KATNA1: variants seen among roughly 807,000 people sequenced by gnomAD.
KATNA1 encodes the protein katanin catalytic subunit A1, also known as katanin p60 ATPase-containing subunit A1.
KATNA1 carries 42 observed loss-of-function variants against 62.6 expected under a neutral mutation model. The ratio of observed to expected loss-of-function variants is 0.67; its 90% CI spans 0.52 to 0.87. The LOEUF is 0.87. Ranked by LOEUF, KATNA1 falls within the 40% of genes least tolerant of loss-of-function variation. KATNA1 has a pLI of 0.00. For synonymous variants in KATNA1, 186 were observed against 201.9 expected, an observed-to-expected ratio of 0.92 and a Z score of 0.67; for missense variants, 498 against 612.5, an observed-to-expected ratio of 0.81 and a Z score of 1.97.
chr6:149,623,709 T>C (rs1779499247), intron 3 of KATNA1, among the ~76,000 whole-genome samples: 1 of 151,892 alleles, frequency 6.6e-6, no homozygotes, highest in African/African-American at 2.4e-5. Flanking sequence ...CTGTACTCTA[T>C]CCTGGGCAAC....
intron 1 of KATNA1, among the ~76,000 whole-genome samples, chr6:149,648,107 ATCGGGATTTT>A (rs1396109450): frequency 6.6e-6 from 1 of 152,130 alleles, no homozygotes. Flanking sequence ...TGTCATGGCC[ATCGGGATTTT>A]TACCTGTGAG....
intron 1 of KATNA1, among the ~76,000 whole-genome samples, chr6:149,639,648 G>A (rs9689084): frequency 0.45 from 68,326 of 151,818 alleles, 16,471 homozygotes; most frequent in East Asian, 0.81. Context: ...TTTTAAAAAA[G>A]TTCCCACATT....
chr6:149,610,099 C>CAA (rs958933815), intron 4 of KATNA1, among the ~76,000 whole-genome samples: 29 of 50,104 alleles, frequency 5.8e-4, no homozygotes, highest in African/African-American at 1.1e-3. Flanking sequence ...AACTCCGTCT[C>CAA]AAAAAAAAAA....
chr6:149,625,881 C>G (rs927242080), intron 3 of KATNA1, among the ~76,000 whole-genome samples: 11 of 151,842 alleles, frequency 7.2e-5, no homozygotes, highest in African/African-American at 2.7e-4. Flanking sequence ...TTGCAGTGAG[C>G]CGAGCTCACG....
chr6:149,596,165 C>G (rs1254858700), intron 10 of KATNA1, among the ~76,000 whole-genome samples: 2 of 152,220 alleles, frequency 1.3e-5, no homozygotes, highest in Non-Finnish European at 1.5e-5. Flanking sequence ...AGACTCTTCA[C>G]TGACATGAAA....
chr6:149,600,365 G>C (rs1487580094), intron 7 of KATNA1, among the ~76,000 whole-genome samples: 1 of 151,992 alleles, frequency 6.6e-6, no homozygotes, highest in Non-Finnish European at 1.5e-5. Context: ...AGGCGCAGTG[G>C]CTCATACCTA....
At chr6:149,637,717 C>T (rs1045332675) in intron 2 of KATNA1, among the ~76,000 whole-genome samples, 2 of 152,052 alleles carry the variant, frequency 1.3e-5, no homozygotes, top group Non-Finnish European at 2.9e-5. Flanking sequence ...ATCCCAGCTA[C>T]TCGGGAGGCT....
At chr6:149,606,446 T>C (rs537877287) in intron 4 of KATNA1, among the ~76,000 whole-genome samples, 68 of 152,298 alleles carry the variant, frequency 4.5e-4, no homozygotes, top group African/African-American at 1.6e-3. Flanking sequence ...CGTAACATGA[T>C]GATTCCTTTG....
rs1780152378 is a variant in KATNA1, at chr6:149,638,517, T to C, written c.31A>G (p.Lys11Glu). Reference protein sequence around the residue: MSLLMISENVKLAREYALLGN... With the variant: MSLLMISENVELAREYALLGN... ...AGCAATGCATATTCACGAGCCAATT[T>C]TACATTCTCACTAATCATAAGAAGA... The change falls in exon 2 of 11, where the codon AAA becomes GAA. Residue 11 changes from lysine to glutamate, a missense_variant. This residue lies in a region of KATNA1 where 28 missense variants were observed against 41.6 expected (regional missense o/e 0.67). Transcript: ENST00000367411. 1 of 1,613,524 alleles carries C rather than the reference T, an allele frequency of 6.2e-7. No individual in the cohort carries two copies. The highest frequency in any genetic ancestry group is 2.2e-5 in the East Asian group (1 of 44,872).
chr6:149,607,961 G>C (rs1159919397), intron 4 of KATNA1, among the ~76,000 whole-genome samples: 1 of 152,096 alleles, frequency 6.6e-6, no homozygotes, highest in African/African-American at 2.4e-5. Flanking sequence ...AGCTGCTCGG[G>C]AGGCTGAGGC....
At chr6:149,641,830 A>G (rs1439357344) in intron 1 of KATNA1, among the ~76,000 whole-genome samples, 1 of 152,200 alleles carries the variant, frequency 6.6e-6, no homozygotes, top group African/African-American at 2.4e-5. Flanking sequence ...GGGAAACCCA[A>G]ACAGCTAACA....
At chr6:149,619,732 A>G (rs1220827835) in intron 4 of KATNA1, among the ~76,000 whole-genome samples, 1 of 152,188 alleles carries the variant, frequency 6.6e-6, no homozygotes, top group Admixed American at 6.6e-5. Flanking sequence ...GAGGTTCCTC[A>G]TGGGAGGAAT....
chr6:149,641,897 A>G (rs530829419), intron 1 of KATNA1, among the ~76,000 whole-genome samples: 57 of 152,176 alleles, frequency 3.7e-4, no homozygotes, highest in African/African-American at 1.2e-3. Flanking sequence ...ACCTCTTTTT[A>G]TTCTTTTATT....
At chr6:149,619,863 C>T (rs879692615) in intron 4 of KATNA1, among the ~76,000 whole-genome samples, 3 of 151,994 alleles carry the variant, frequency 2.0e-5, no homozygotes, top group Non-Finnish European at 4.4e-5. Flanking sequence ...TTTAAGGAAC[C>T]GCCATACTAT....
chr6:149,601,539 AC>A (rs976686055), intron 7 of KATNA1, 54 bp downstream of exon 7: 2 of 1,469,684 alleles, frequency 1.4e-6, no homozygotes, highest in African/African-American at 2.8e-5. Context: ...GTTACAGCTC[AC>A]TTTCTCCCCT....
At chr6:149,646,706 C>T (rs1203240507) in intron 1 of KATNA1, among the ~76,000 whole-genome samples, 1 of 152,162 alleles carries the variant, frequency 6.6e-6, no homozygotes, top group East Asian at 1.9e-4. Context: ...AAAGTCCACT[C>T]TATTTGTACA....
intron 5 of KATNA1, among the ~76,000 whole-genome samples, 172 bp from the exon 6 acceptor site, chr6:149,603,545 A>AT (rs1257233370): frequency 1.3e-5 from 2 of 152,166 alleles, no homozygotes; most frequent in Non-Finnish European, 1.5e-5. Context: ...CAACCAGCAG[A>AT]TATATAAAGA....
At chr6:149,626,981 C>A (rs958604924) in intron 3 of KATNA1, among the ~76,000 whole-genome samples, 1 of 151,806 alleles carries the variant, frequency 6.6e-6, no homozygotes, top group Non-Finnish European at 1.5e-5. Flanking sequence ...GAGACTCCAT[C>A]TTAAAAAATA....
chr6:149,634,615 C>G (rs994872987), intron 2 of KATNA1, among the ~76,000 whole-genome samples: 6 of 152,208 alleles, frequency 3.9e-5, no homozygotes, highest in African/African-American at 1.2e-4. Context: ...AAGCCATCCT[C>G]TCACCTCAGC....
Sources: allele counts gnomAD v4.1 joint callset (sites outside exome capture counted in the v4.1 genomes callset), GRCh38; gene constraint gnomAD v4.1.1; regional missense constraint gnomAD v4.1.1; transcripts MANE v1.5; gene names NCBI Gene and HGNC (gene_info 2026-07-23, HGNC 2026-07-21).